Variants in MGAT4A observed in about 807,000 individuals in gnomAD.
MGAT4A encodes N-acetylglucosaminyltransferase IVa.
In MGAT4A, 33 loss-of-function variants were observed where a neutral mutation model predicts 74.1. The observed-to-expected ratio is 0.45, with a 90% CI of 0.34 to 0.60. MGAT4A has a LOEUF of 0.60. Ranked by LOEUF, MGAT4A falls within the 20% of genes least tolerant of loss-of-function variation. MGAT4A has a pLI of 0.02. For missense variants in MGAT4A, 479 were observed against 628.3 expected, an observed-to-expected ratio of 0.76 and a Z score of 2.54; for synonymous variants, 198 against 210.4, an observed-to-expected ratio of 0.94 and a Z score of 0.51.
chr2:98,668,554 C>T (rs540600209), intron 4 of MGAT4A, among the ~76,000 whole-genome samples: 5 of 152,324 alleles, frequency 3.3e-5, no homozygotes, highest in Admixed American at 6.5e-5. Context: ...TAGCGCAGTG[C>T]GGAAGGGACA....
At chr2:98,729,443 C>A (rs1702812731) in intron 1 of MGAT4A, among the ~76,000 whole-genome samples, 3 of 152,092 alleles carry the variant, frequency 2.0e-5, no homozygotes, top group Admixed American at 6.5e-5. Flanking sequence ...ACACAGGTGA[C>A]CCACATTTTT....
At chr2:98,723,083 C>G (rs1702703192) in intron 2 of MGAT4A, among the ~76,000 whole-genome samples, 1 of 152,194 alleles carries the variant, frequency 6.6e-6, no homozygotes, top group South Asian at 2.1e-4. Flanking sequence ...CTGTCTTGCA[C>G]CACAGCTTCC....
At chr2:98,725,935 A>C (rs1228349991) in intron 2 of MGAT4A, 1 of 408,682 alleles carries the variant, frequency 2.4e-6, no homozygotes, top group Non-Finnish European at 4.3e-6. Context: ...TAAAAAGAAC[A>C]AAATGCCAAA....
chr2:98,672,987 C>T (rs2104283884), intron 4 of MGAT4A, among the ~76,000 whole-genome samples: 1 of 152,174 alleles, frequency 6.6e-6, no homozygotes, highest in African/African-American at 2.4e-5. Context: ...TACTAATTTT[C>T]CTAAATTATT....
chr2:98,640,298 G>C, intron 10 of MGAT4A, 70 bp from the exon 11 acceptor site: 1 of 1,260,100 alleles, frequency 7.9e-7, no homozygotes, highest in Non-Finnish European at 1.1e-6. Context: ...TGGAAAATGA[G>C]AAGTCCTTTA....
chr2:98,647,887 T>A (rs1701518203), intron 8 of MGAT4A, among the ~76,000 whole-genome samples: 1 of 152,208 alleles, frequency 6.6e-6, no homozygotes. Flanking sequence ...GAGTCATGGA[T>A]GTGATACATT....
In MGAT4A at chr2:98,656,773, T is replaced by TA. The variant is rs935281002; in HGVS notation, c.585-309dup. Among the ~76,000 whole-genome samples the TA allele has an allele frequency of 1.2e-3, 176 of 144,270 alleles. 1 individual carries two copies. Among genetic ancestry groups the TA allele is most frequent in the African/African-American group, 2.1e-3 (83 of 39,532 alleles). 94.6% of individuals were successfully genotyped at this position (144,270 alleles called of 152,430 possible). A position where few individuals can be genotyped will look rare whatever the true frequency, so the allele number is the denominator to read the frequency against. On this transcript the variant is annotated intron_variant, in intron 6 of 15. Transcript: ENST00000393487. ...TAACGTTCCTAAAATGTATCTGAATTAAAAAAAAAAAATCAAGGTCTCACA... is the reference window on the plus strand; with the variant it reads ...TAACGTTCCTAAAATGTATCTGAATTAAAAAAAAAAAAATCAAGGTCTCACA...
Position 98,623,793 on chromosome 2 carries a change from A to G in MGAT4A, c.*1773T>C. On this transcript the variant is annotated 3_prime_UTR_variant, in exon 16 of 16. Coordinates refer to ENST00000393487, the MANE Select transcript of MGAT4A (RefSeq NM_012214.3). ...ACTTTGTAACACAGCACAGGAAATGATGCTATTTCATGCTGTTGGTTCAGC... is the reference window on the plus strand; with the variant it reads ...ACTTTGTAACACAGCACAGGAAATGGTGCTATTTCATGCTGTTGGTTCAGC... 1.0e-6 allele frequency: 1 copy of G among 985,448 alleles called. No individual in the cohort carries two copies. The highest frequency in any genetic ancestry group is 1.2e-6 in the Non-Finnish European group (1 of 829,942). The allele number at this position is 985,448 out of a possible 1,614,324, so 61.0% of individuals were successfully genotyped here.
chr2:98,711,253 G>C (rs1264356840), intron 2 of MGAT4A, among the ~76,000 whole-genome samples: 1 of 127,526 alleles, frequency 7.8e-6, no homozygotes, highest in African/African-American at 3.1e-5. Flanking sequence ...AAACTAACAA[G>C]TTAATTTGGA....
intron 4 of MGAT4A, chr2:98,663,460 T>G: frequency 4.1e-6 from 6 of 1,459,492 alleles, no homozygotes; most frequent in Non-Finnish European, 5.4e-6. Context: ...AACAGCAAAC[T>G]GTATTTTACA....
At chr2:98,656,959 C>G (rs1237668544) in intron 6 of MGAT4A, among the ~76,000 whole-genome samples, 1 of 152,132 alleles carries the variant, frequency 6.6e-6, no homozygotes, top group African/African-American at 2.4e-5. Flanking sequence ...GTGATTCTGT[C>G]CCTCTGGAAG....
intron 13 of MGAT4A, among the ~76,000 whole-genome samples, chr2:98,635,543 T>C (rs1215345255): frequency 6.6e-6 from 1 of 152,188 alleles, no homozygotes; most frequent in African/African-American, 2.4e-5. Flanking sequence ...CAGAACAGTA[T>C]TTTCTATTAA....
chr2:98,622,498 G>A lies in MGAT4A; in HGVS notation c.*3068C>T, dbSNP rs973165958. On this transcript the variant is annotated 3_prime_UTR_variant, in exon 16 of 16. Coordinates refer to ENST00000393487, the MANE Select transcript of MGAT4A (RefSeq NM_012214.3). ...ATTTACTATTTTGGTAAAATGATTC[G>A]GCGCCCTCTCAAGGCAAAGTATTTA... The A allele has an allele frequency of 7.9e-5, 78 of 985,194 alleles. No individual in the cohort carries two copies. The highest frequency in any genetic ancestry group is 5.2e-4 in the Middle Eastern group (1 of 1,936). 61.0% of individuals were successfully genotyped at this position (985,194 alleles called of 1,614,324 possible).
intron 2 of MGAT4A, among the ~76,000 whole-genome samples, chr2:98,713,525 G>A (rs1327208656): frequency 6.6e-6 from 1 of 151,822 alleles, no homozygotes; most frequent in African/African-American, 2.4e-5. Flanking sequence ...ACTCTGAGAG[G>A]CTGAGACAGG....
chr2:98,663,562 A>G (rs1430572193), intron 4 of MGAT4A: 7 of 968,624 alleles, frequency 7.2e-6, no homozygotes, highest in Non-Finnish European at 8.4e-6. Flanking sequence ...GCACAACATC[A>G]GTTCTGTGGT....
chr2:98,678,046 C>T (rs1178777369), intron 3 of MGAT4A, among the ~76,000 whole-genome samples: 1 of 149,874 alleles, frequency 6.7e-6, no homozygotes, highest in Admixed American at 6.7e-5. Context: ...TGGCTAACAT[C>T]GTGAAACCCC....
At chr2:98,696,497 T>C (rs1025229642) in intron 2 of MGAT4A, among the ~76,000 whole-genome samples, 1 of 152,250 alleles carries the variant, frequency 6.6e-6, no homozygotes, top group Admixed American at 6.5e-5. Flanking sequence ...GTATTCACTT[T>C]ACTATGTAAT....
intron 4 of MGAT4A, among the ~76,000 whole-genome samples, chr2:98,664,542 T>C (rs1005124984): frequency 6.6e-6 from 1 of 152,176 alleles, no homozygotes; most frequent in Non-Finnish European, 1.5e-5. Flanking sequence ...TCACCACAAC[T>C]ATCAACCACA....
In MGAT4A at chr2:98,656,354, TA is replaced by T; in HGVS notation, c.695del (p.Val232GlufsTer9). The T allele has an allele frequency of 6.4e-7, 1 of 1,573,438 alleles. No individual in the cohort carries two copies. Among genetic ancestry groups the T allele is most frequent in the Non-Finnish European group, 8.7e-7 (1 of 1,144,444 alleles). ...KETFGDSKERVRWRTKQNLDY... is the reference protein window; with the variant it reads ...KETFGDSKERXRWRTKQNLDY... ...GATTTTAAACGGCACATGCTCACCT[TA>T]CTCTTTCTTTGGAGTCTCCAAATGT... On this transcript the variant is annotated frameshift_variant, in exon 7 of 16. Coordinates refer to ENST00000393487, the MANE Select transcript of MGAT4A (RefSeq NM_012214.3). LOFTEE classifies it high-confidence loss of function.
Sources: allele counts gnomAD v4.1 joint callset (sites outside exome capture counted in the v4.1 genomes callset), GRCh38; gene constraint gnomAD v4.1.1; transcripts MANE v1.5; gene names NCBI Gene and HGNC (gene_info 2026-07-23, HGNC 2026-07-21).